The following OSBPL10 variants were observed in gnomAD, a reference collection of about 807,000 sequenced individuals.
OSBPL10 encodes oxysterol binding protein like 10, also known as oxysterol-binding protein-related protein 10.
In OSBPL10, 49 loss-of-function variants were observed where a neutral mutation model predicts 81.7. That is an observed-to-expected ratio of 0.60 (90% CI 0.48 to 0.76). The LOEUF is 0.76. OSBPL10 is among the 30% of genes least tolerant of loss of function. The pLI is 0.00. For missense variants in OSBPL10, 923 were observed against 987.8 expected (o/e 0.93, Z 0.88); for synonymous variants, 419 against 383.6 (o/e 1.09, Z -1.08).
intron 5 of OSBPL10, 141 bp from the exon 6 acceptor site, chr3:31,733,552 T>C (rs1379708584): frequency 1.1e-6 from 1 of 924,616 alleles, no homozygotes; most frequent in East Asian, 2.5e-5. Flanking sequence ...TTGAATGAAG[T>C]ACCAAGTGCA....
intron 1 of OSBPL10, among the ~76,000 whole-genome samples, chr3:31,922,050 G>A (rs903958295): frequency 3.3e-5 from 5 of 152,146 alleles, no homozygotes; most frequent in African/African-American, 7.2e-5. Flanking sequence ...CAAAAACAAC[G>A]GAATTGTGAG....
intron 3 of OSBPL10, among the ~76,000 whole-genome samples, chr3:31,855,026 TTTTG>T (rs987251993): frequency 8.6e-5 from 13 of 151,956 alleles, no homozygotes; most frequent in African/African-American, 2.4e-4. Flanking sequence ...TTTGTTTTGT[TTTTG>T]TTTTTGTTTT....
chr3:31,702,068 T>C (rs1297134209), intron 7 of OSBPL10, among the ~76,000 whole-genome samples: 1 of 152,118 alleles, frequency 6.6e-6, no homozygotes, highest in African/African-American at 2.4e-5. Flanking sequence ...TACCTTGAAT[T>C]TTCCATACCA....
chr3:31,978,726 C>T (rs577342828), intron 1 of OSBPL10, among the ~76,000 whole-genome samples: 68 of 152,256 alleles, frequency 4.5e-4, no homozygotes, highest in African/African-American at 1.4e-3. Context: ...CTATAAATTG[C>T]AGTAAACAAA....
chr3:31,709,489 C>T (rs1414520957), intron 6 of OSBPL10: 1 of 151,980 alleles, frequency 6.6e-6, no homozygotes. Context: ...TTAAAACATT[C>T]GAGGGAAGCA....
intron 1 of OSBPL10, among the ~76,000 whole-genome samples, chr3:32,057,341 C>T (rs940554972): frequency 6.6e-6 from 1 of 152,070 alleles, no homozygotes; most frequent in Non-Finnish European, 1.5e-5. Context: ...AGATCAGAAC[C>T]CCTTTCCATA....
intron 1 of OSBPL10, among the ~76,000 whole-genome samples, chr3:31,895,560 C>A (rs770444954): frequency 3.9e-5 from 6 of 152,158 alleles, no homozygotes; most frequent in Non-Finnish European, 7.3e-5. Flanking sequence ...CAATTGCAGT[C>A]AACGTGGAGA....
At chr3:31,895,362 C>T (rs1194293032) in intron 1 of OSBPL10, among the ~76,000 whole-genome samples, 1 of 151,638 alleles carries the variant, frequency 6.6e-6, no homozygotes, top group East Asian at 1.9e-4. Context: ...TGGTCTTGAT[C>T]TCCTGACCTC....
chr3:31,822,616 T>C (rs907526945), intron 4 of OSBPL10, among the ~76,000 whole-genome samples: 2 of 151,858 alleles, frequency 1.3e-5, no homozygotes, highest in African/African-American at 4.8e-5. Flanking sequence ...TAACTAGACA[T>C]AGAAAAGTTA....
chr3:32,008,123 G>A (rs1250979973), intron 2 of OSBPL10, among the ~76,000 whole-genome samples: 7 of 151,878 alleles, frequency 4.6e-5, no homozygotes, highest in South Asian at 2.1e-4. Flanking sequence ...AGCCTATTAC[G>A]GGAATGATTT....
intron 3 of OSBPL10, among the ~76,000 whole-genome samples, chr3:31,875,357 A>G (rs1224806636): frequency 6.6e-6 from 1 of 152,124 alleles, no homozygotes; most frequent in Non-Finnish European, 1.5e-5. Context: ...CACTTCCTAG[A>G]TGTATATAAA....
At chr3:31,855,195 G>GT (rs58093141) in intron 3 of OSBPL10, among the ~76,000 whole-genome samples, 38,251 of 151,930 alleles carry the variant, frequency 0.25, 5,736 homozygotes, top group East Asian at 0.49. Context: ...TAATTTTTAA[G>GT]TTTTTTTGTG....
intron 1 of OSBPL10, among the ~76,000 whole-genome samples, chr3:31,902,719 C>T (rs1048835564): frequency 3.9e-5 from 6 of 152,172 alleles, no homozygotes; most frequent in Non-Finnish European, 7.3e-5. Flanking sequence ...CCCGCCACCA[C>T]GCCTGGCTAA....
chr3:31,908,154 G>A (rs866344647), intron 1 of OSBPL10, among the ~76,000 whole-genome samples: 5 of 152,158 alleles, frequency 3.3e-5, no homozygotes, highest in African/African-American at 1.2e-4. Flanking sequence ...AGTGCAACAC[G>A]GGTGGAGTGA....
intron 2 of OSBPL10, among the ~76,000 whole-genome samples, chr3:31,993,400 G>C (rs925659415): frequency 1.3e-5 from 2 of 151,680 alleles, no homozygotes; most frequent in African/African-American, 4.8e-5. Context: ...TAGAGACAGG[G>C]TTTCTCCATG....
intron 4 of OSBPL10, chr3:31,794,918 G>A: frequency 2.8e-6 from 1 of 360,476 alleles, no homozygotes; most frequent in Admixed American, 3.4e-5. Flanking sequence ...CTCGAGAGAA[G>A]GGGTGCCAGA....
intron 6 of OSBPL10, among the ~76,000 whole-genome samples, chr3:31,731,834 C>T (rs1696980494): frequency 6.6e-6 from 1 of 151,918 alleles, no homozygotes; most frequent in Non-Finnish European, 1.5e-5. Context: ...TTTTTTTTGC[C>T]AATGCTACTG....
In OSBPL10 at chr3:31,916,500, A is replaced by G. The variant is rs540123650; in HGVS notation, c.282-36670T>C. Among the ~76,000 whole-genome samples the G allele has an allele frequency of 2.6e-5, 4 of 152,248 alleles. No homozygotes were observed. In the East Asian group the frequency reaches 7.7e-4, roughly 29 times the overall value. The stretch of plus-strand genomic sequence containing the variant: ...GTTCTCATGAGCAGTCAGAAGTAAA[A>G]TATCTGACACCTTTTTTCATGCACC... On this transcript the variant is annotated intron_variant, in intron 1 of 11. Coordinates refer to ENST00000396556, the MANE Select transcript of OSBPL10 (RefSeq NM_017784.5).
chr3:31,701,397 G>A (rs1156904563), intron 7 of OSBPL10, among the ~76,000 whole-genome samples: 2 of 152,204 alleles, frequency 1.3e-5, no homozygotes, highest in African/African-American at 2.4e-5. Context: ...CTGTCTGTCT[G>A]TGTAACAGCT....
Sources: allele counts gnomAD v4.1 joint callset (sites outside exome capture counted in the v4.1 genomes callset), GRCh38; gene constraint gnomAD v4.1.1; transcripts MANE v1.5; gene names NCBI Gene and HGNC (gene_info 2026-07-23, HGNC 2026-07-21).